ABI3BP: variants seen among roughly 807,000 people sequenced by gnomAD.
The protein encoded by ABI3BP is target of Nesh-SH3.
Under a neutral mutation model 268.6 loss-of-function variants are expected in ABI3BP, and 216 were observed. The observed-to-expected ratio is 0.80, with a 90% CI of 0.72 to 0.90. The LOEUF (loss-of-function observed/expected upper bound fraction) is 0.90, where lower values mean the gene tolerates loss of function less well. Among genes scored for constraint, ABI3BP ranks in the 40% least tolerant of loss-of-function variants. ABI3BP has a pLI of 0.00. For synonymous variants in ABI3BP, 730 were observed against 730.0 expected, an observed-to-expected ratio of 1.00 and a Z score of 0.00; for missense variants, 2,090 against 2,182.4, an observed-to-expected ratio of 0.96 and a Z score of 0.84.
chr3:100,986,167 A>G (rs1260211882), intron 1 of ABI3BP, among the ~76,000 whole-genome samples: 1 of 152,198 alleles, frequency 6.6e-6, no homozygotes, highest in Non-Finnish European at 1.5e-5. Flanking sequence ...TGAGGCAGAG[A>G]CCTGCAGCAA....
chr3:100,974,987 C>T (rs1339114171), intron 1 of ABI3BP, among the ~76,000 whole-genome samples: 1 of 152,066 alleles, frequency 6.6e-6, no homozygotes, highest in Non-Finnish European at 1.5e-5. Flanking sequence ...TGTTTATAGA[C>T]AGTCTCGGCA....
At chr3:100,759,857 T>G (rs1336680633) in intron 63 of ABI3BP, among the ~76,000 whole-genome samples, 1 of 152,198 alleles carries the variant, frequency 6.6e-6, no homozygotes, top group African/African-American at 2.4e-5. Context: ...CCTGACGCTT[T>G]GGTAGCTTAT....
intron 4 of ABI3BP, among the ~76,000 whole-genome samples, chr3:100,888,451 A>G (rs892407183): frequency 6.6e-6 from 1 of 152,124 alleles, no homozygotes; most frequent in African/African-American, 2.4e-5. Flanking sequence ...TCTCTAGTAG[A>G]TACATTTCTG....
chr3:100,859,626 C>A (rs1218699433), intron 14 of ABI3BP, among the ~76,000 whole-genome samples: 2 of 152,134 alleles, frequency 1.3e-5, no homozygotes, highest in African/African-American at 4.8e-5. Flanking sequence ...AAAAGGGCTA[C>A]ATAAATATAC....
intron 59 of ABI3BP, among the ~76,000 whole-genome samples, chr3:100,777,842 A>G (rs546186024): frequency 2.0e-5 from 3 of 152,322 alleles, no homozygotes; most frequent in African/African-American, 7.2e-5. Context: ...TCCCCTGAGC[A>G]CCATAATACC....
intron 1 of ABI3BP, among the ~76,000 whole-genome samples, chr3:100,949,180 G>C (rs562975990): frequency 3.9e-5 from 6 of 152,092 alleles, no homozygotes; most frequent in Admixed American, 2.6e-4. Flanking sequence ...TTTGATAGTA[G>C]GTAAACTGAC....
chr3:100,871,518 A>G (rs1281771554), intron 9 of ABI3BP, among the ~76,000 whole-genome samples: 2 of 152,156 alleles, frequency 1.3e-5, no homozygotes, highest in Non-Finnish European at 2.9e-5. Context: ...TGATTGAATC[A>G]TCAGGGCAGG....
chr3:100,967,642 G>C (rs1291093545), intron 1 of ABI3BP, among the ~76,000 whole-genome samples: 2 of 152,010 alleles, frequency 1.3e-5, no homozygotes, highest in African/African-American at 4.8e-5. Context: ...CCAATTTTAT[G>C]GTGATTTGCT....
intron 29 of ABI3BP, among the ~76,000 whole-genome samples, chr3:100,834,237 C>T (rs1024880791): frequency 6.6e-6 from 1 of 152,112 alleles, no homozygotes; most frequent in African/African-American, 2.4e-5. Context: ...TAACGATGTG[C>T]CTAACAGTTG....
At chr3:100,889,509 A>T (rs2043516071) in intron 4 of ABI3BP, among the ~76,000 whole-genome samples, 1 of 152,184 alleles carries the variant, frequency 6.6e-6, no homozygotes, top group Non-Finnish European at 1.5e-5. Context: ...ATATAGTCAC[A>T]GTCTTGTCAA....
chr3:100,750,819 T>A (rs1576436905), intron 67 of ABI3BP, among the ~76,000 whole-genome samples: 1 of 152,294 alleles, frequency 6.6e-6, no homozygotes, highest in Non-Finnish European at 1.5e-5. Flanking sequence ...TGTTGACATT[T>A]GCCGTGTCAA....
chr3:100,799,434 A>G (rs765717227), intron 51 of ABI3BP, among the ~76,000 whole-genome samples: 2 of 152,184 alleles, frequency 1.3e-5, no homozygotes, highest in African/African-American at 2.4e-5. Context: ...CTCACTGAAT[A>G]CATATTAATG....
intron 61 of ABI3BP, among the ~76,000 whole-genome samples, chr3:100,771,450 T>A (rs1559947714): frequency 6.6e-6 from 1 of 151,684 alleles, no homozygotes; most frequent in African/African-American, 2.4e-5. Flanking sequence ...TTACCTATAA[T>A]AAGGAGAAAA....
At chr3:100,824,789 A>T (rs1010101127) in intron 36 of ABI3BP, 69 bp downstream of exon 36, 6 of 1,322,992 alleles carry the variant, frequency 4.5e-6, no homozygotes, top group Non-Finnish European at 5.2e-6. Context: ...CTCAGCATTG[A>T]CACTGCTTCA....
chr3:100,948,007 G>C (rs944383744), intron 1 of ABI3BP, among the ~76,000 whole-genome samples: 2 of 152,136 alleles, frequency 1.3e-5, no homozygotes, highest in Non-Finnish European at 2.9e-5. Context: ...GGCAGGAACA[G>C]CATTCTCAGA....
intron 44 of ABI3BP, among the ~76,000 whole-genome samples, chr3:100,815,125 C>T (rs1242028130): frequency 1.3e-5 from 2 of 152,074 alleles, no homozygotes; most frequent in African/African-American, 4.8e-5. Flanking sequence ...ATTCATCCTC[C>T]TTTATGTCTT....
Position 100,794,936 on chromosome 3 carries a change from TA to T in ABI3BP, c.3932del (p.Leu1311HisfsTer26). The T allele has an allele frequency of 6.4e-7, 1 of 1,568,918 alleles. No homozygotes were observed. Among genetic ancestry groups the T allele is most frequent in the Non-Finnish European group, 8.7e-7 (1 of 1,156,028 alleles). On this transcript the variant is annotated frameshift_variant, in exon 54 of 68. Coordinates refer to ENST00000471714, the MANE Select transcript of ABI3BP (RefSeq NM_001375547.2). LOFTEE classifies it high-confidence loss of function. The part of the protein sequence containing the change: ...MISPSPSQEE[L>X]QTTLEETDQS... The stretch of plus-strand genomic sequence containing the variant: ...AACGAAATTTACCCAGAGTGGTCTG[TA>T]GTTCCTCTTGACTAGGACTTGGGGA...
chr3:100,891,462 A>G (rs2044618713), intron 4 of ABI3BP, among the ~76,000 whole-genome samples: 1 of 152,362 alleles, frequency 6.6e-6, no homozygotes, highest in African/African-American at 2.4e-5. Context: ...TACATGTGTC[A>G]TCTTACTAAA....
chr3:100,917,247 A>AAC (rs2058885058), intron 2 of ABI3BP, among the ~76,000 whole-genome samples: 1 of 152,188 alleles, frequency 6.6e-6, no homozygotes, highest in Admixed American at 6.5e-5. Context: ...ACACAGAAGA[A>AAC]ACACACACAC....
Sources: gnomAD v4.1 joint callset for allele counts (sites outside exome capture counted in the v4.1 genomes callset) on GRCh38, gnomAD v4.1.1 for gene constraint, MANE v1.5 for transcripts, NCBI Gene and HGNC (gene_info 2026-07-23, HGNC 2026-07-21) for gene names.